Variants in PCDH15 observed in about 807,000 individuals in gnomAD.
PCDH15 encodes protocadherin-15.
Under a neutral mutation model 178.5 loss-of-function variants are expected in PCDH15, and 129 were observed. That is an observed-to-expected ratio of 0.72 (90% CI 0.63 to 0.84). The LOEUF is 0.84. Among genes scored for constraint, PCDH15 ranks in the 40% least tolerant of loss-of-function variants. The probability of loss-of-function intolerance (pLI) is 0.00; values close to 1 mark genes in which losing one functional copy is unlikely to be tolerated. For missense variants in PCDH15, 2,230 were observed against 2,099.9 expected (o/e 1.06, Z -1.21); for synonymous variants, 800 against 732.0 (o/e 1.09, Z -1.50).
intron 8 of PCDH15, among the ~76,000 whole-genome samples, chr10:54,256,914 T>C (rs1426617639): frequency 6.6e-6 from 1 of 152,108 alleles, no homozygotes; most frequent in Non-Finnish European, 1.5e-5. Flanking sequence ...CCTGTCTTCT[T>C]ACACTGAAAT....
intron 18 of PCDH15, among the ~76,000 whole-genome samples, chr10:54,028,457 G>C (rs112422885): frequency 6.6e-6 from 1 of 151,528 alleles, no homozygotes; most frequent in African/African-American, 2.4e-5. Context: ...CAAAGGACTA[G>C]AAATCATGCT....
At chr10:54,613,026 G>A (rs2093012766) in intron 2 of PCDH15, among the ~76,000 whole-genome samples, 1 of 151,692 alleles carries the variant, frequency 6.6e-6, no homozygotes, top group Non-Finnish European at 1.5e-5. Context: ...TTCAGTAGAT[G>A]ACAATATTTG....
intron 13 of PCDH15, among the ~76,000 whole-genome samples, chr10:54,159,270 G>T (rs1006096109): frequency 6.6e-6 from 1 of 152,102 alleles, no homozygotes; most frequent in Admixed American, 6.6e-5. Flanking sequence ...AGTTATTCAA[G>T]TTGGTATAGT....
At chr10:54,940,865 C>T (rs1838043916) in intron 2 of PCDH15, among the ~76,000 whole-genome samples, 1 of 151,872 alleles carries the variant, frequency 6.6e-6, no homozygotes, top group African/African-American at 2.4e-5. Flanking sequence ...CTTGTGGTTG[C>T]TATCATTTCC....
chr10:54,100,920 C>A (rs2094799770), intron 15 of PCDH15, among the ~76,000 whole-genome samples: 1 of 151,952 alleles, frequency 6.6e-6, no homozygotes, highest in Non-Finnish European at 1.5e-5. Context: ...CTCTTCATGT[C>A]CACTTTATAT....
chr10:54,079,433 AAAACAAAC>A lies in PCDH15; in HGVS notation c.1998-17_1998-10del. ...AGGTTAGAATCCCCGTGCTAGTGAC[AAAACAAAC>A]AAACAAATAAGACAAAAAGAGATAT... On this transcript the variant is annotated splice_polypyrimidine_tract_variant and intron_variant, in intron 16 of 37. Transcript: ENST00000644397. 1 of 1,608,126 alleles carries A rather than the reference AAAACAAAC, an allele frequency of 6.2e-7. No homozygotes were observed. The highest frequency in any genetic ancestry group is 2.2e-5 in the East Asian group (1 of 44,832).
chr10:55,150,789 G>T (rs1838688347), intron 2 of PCDH15, among the ~76,000 whole-genome samples: 1 of 152,082 alleles, frequency 6.6e-6, no homozygotes, highest in African/African-American at 2.4e-5. Flanking sequence ...TAGTTGCTCA[G>T]AAAGAAAATA....
chr10:55,185,205 C>T (rs1312820588), intron 1 of PCDH15, among the ~76,000 whole-genome samples: 4 of 151,688 alleles, frequency 2.6e-5, no homozygotes, highest in African/African-American at 9.7e-5. Flanking sequence ...TATTTCTATA[C>T]CCAGAGATAT....
At chr10:55,155,394 G>C (rs545419530) in intron 2 of PCDH15, among the ~76,000 whole-genome samples, 1 of 150,192 alleles carries the variant, frequency 6.7e-6, no homozygotes, top group Non-Finnish European at 1.5e-5. Flanking sequence ...GAGAAGAATG[G>C]GTGAAATTTA....
At chr10:54,867,348 ATCAAATTGCTATTTGATGTTTAC>A in intron 3 of PCDH15, among the ~76,000 whole-genome samples, 1 of 152,250 alleles carries the variant, frequency 6.6e-6, no homozygotes, top group East Asian at 1.9e-4. Flanking sequence ...AAACCATTGA[ATCAAATTGCTATTTGATGTTTAC>A]TGGGTAAAAA....
intron 4 of PCDH15, among the ~76,000 whole-genome samples, chr10:54,372,695 C>A (rs1233082887): frequency 6.6e-6 from 1 of 151,472 alleles, no homozygotes; most frequent in Non-Finnish European, 1.5e-5. Context: ...TTCTAATTTT[C>A]TTTAATTGCT....
At position 54,153,281 on chromosome 10, in the gene PCDH15, C is replaced by T. The variant is rs946296710; in HGVS notation, c.1603G>A (p.Asp535Asn). ...TCCCCATTTGACCCTTCGTCTGCGT[C>T]GACTGCAGTGAGCTGGAATTGAAAA... The part of the protein sequence containing the change: ...GDSVIQLTAV[D>N]ADEGSNGEIT... The change falls in exon 14 of 38, where the codon GAC becomes AAC. Residue 535 changes from aspartate to asparagine, a missense_variant. Physicochemically the swap from Asp to Asn is conservative, Grantham distance 23. Transcript: ENST00000644397. 1 of 1,613,618 alleles carries T rather than the reference C, an allele frequency of 6.2e-7. No homozygotes were observed. Among genetic ancestry groups the T allele is most frequent in the East Asian group, 2.2e-5 (1 of 44,850 alleles).
At chr10:55,138,023 C>T (rs4935577) in intron 2 of PCDH15, among the ~76,000 whole-genome samples, 145,192 of 152,168 alleles carry the variant, frequency 0.95, 69,502 homozygotes, top group Middle Eastern at 1. Flanking sequence ...CCTGCAGGTA[C>T]TTTTCTAGAT....
At chr10:55,314,053 T>G (rs998335379) in intron 1 of PCDH15, among the ~76,000 whole-genome samples, 9 of 151,830 alleles carry the variant, frequency 5.9e-5, no homozygotes, top group Non-Finnish European at 4.4e-5. Flanking sequence ...GAATGCATGA[T>G]GCACACCCAG....
At chr10:54,989,113 G>T (rs1187353807) in intron 2 of PCDH15, among the ~76,000 whole-genome samples, 1 of 152,306 alleles carries the variant, frequency 6.6e-6, no homozygotes, top group African/African-American at 2.4e-5. Context: ...CTTCCCTGTG[G>T]TGTTGTGCCT....
chr10:54,903,491 T>C (rs1030328107), intron 2 of PCDH15, among the ~76,000 whole-genome samples: 2 of 151,878 alleles, frequency 1.3e-5, no homozygotes, highest in Admixed American at 6.6e-5. Context: ...ATAGGTCACA[T>C]ATAATATTGT....
At chr10:54,392,332 G>C (rs1950637438) in intron 3 of PCDH15, among the ~76,000 whole-genome samples, 1 of 151,314 alleles carries the variant, frequency 6.6e-6, no homozygotes, top group African/African-American at 2.4e-5. Flanking sequence ...TAGGCATGGT[G>C]GTGGGCGCCT....
At chr10:54,729,101 T>C (rs1942983706) in intron 1 of PCDH15, among the ~76,000 whole-genome samples, 1 of 151,454 alleles carries the variant, frequency 6.6e-6, no homozygotes, top group African/African-American at 2.4e-5. Flanking sequence ...AAAAAGAGCC[T>C]GAATAGCCAA....
At chr10:55,296,230 G>T (rs1191646686) in intron 1 of PCDH15, among the ~76,000 whole-genome samples, 2 of 152,074 alleles carry the variant, frequency 1.3e-5, no homozygotes, top group Admixed American at 1.3e-4. Context: ...TTGTTTAGAG[G>T]TTTTATGAAG....
Sources: allele counts gnomAD v4.1 joint callset (sites outside exome capture counted in the v4.1 genomes callset), GRCh38; gene constraint gnomAD v4.1.1; transcripts MANE v1.5; gene names NCBI Gene and HGNC (gene_info 2026-07-23, HGNC 2026-07-21).